The following RNF13 variants were observed in gnomAD, a reference collection of about 807,000 sequenced individuals.
The protein encoded by RNF13 is ring finger protein 13.
Under a neutral mutation model 37.7 loss-of-function variants are expected in RNF13, and 19 were observed. The observed-to-expected ratio is 0.50, with a 90% CI of 0.35 to 0.74. The LOEUF (loss-of-function observed/expected upper bound fraction) is 0.74, where lower values mean the gene tolerates loss of function less well. Ranked by LOEUF, RNF13 falls within the 30% of genes least tolerant of loss-of-function variation. RNF13 has a pLI of 0.01. For synonymous variants in RNF13, 144 were observed against 157.8 expected (o/e 0.91, Z 0.65); for missense variants, 375 against 453.0 (o/e 0.83, Z 1.56).
In RNF13 at chr3:149,819,124, C is replaced by T. The variant is rs963627508; in HGVS notation, c.-17+5771C>T. On this transcript the variant is annotated intron_variant, in intron 1 of 9. Coordinates refer to ENST00000392894, the MANE Select transcript of RNF13 (RefSeq NM_183381.3). ...TGTAAATGAAGTAGTTGGAATTGTCCAGTTAAAATCTGTTTTTACGACTTC... is the reference window on the plus strand; with the variant it reads ...TGTAAATGAAGTAGTTGGAATTGTCTAGTTAAAATCTGTTTTTACGACTTC... Among the ~76,000 whole-genome samples the T allele has an allele frequency of 3.3e-5, 5 of 152,238 alleles. No homozygotes were observed. The South Asian group carries it at 1.0e-3, about 32-fold the overall frequency.
chr3:149,826,350 T>C (rs1166825841), intron 1 of RNF13, among the ~76,000 whole-genome samples: 2 of 152,204 alleles, frequency 1.3e-5, no homozygotes, highest in African/African-American at 4.8e-5. Context: ...GTCTTTTGAG[T>C]ATAATTAAAG....
intron 3 of RNF13, among the ~76,000 whole-genome samples, chr3:149,854,768 T>C (rs1423671912): frequency 6.6e-6 from 1 of 152,230 alleles, no homozygotes; most frequent in African/African-American, 2.4e-5. Context: ...ATCGAAGAGA[T>C]ACCCTTTTTC....
At chr3:149,812,722 G>C (rs1012794816), upstream of RNF13, 7 of 152,620 alleles carry the variant, frequency 4.6e-5, no homozygotes, top group African/African-American at 1.4e-4. Flanking sequence ...TTAGTAGGTC[G>C]GGTGAGTGTA....
intron 8 of RNF13, chr3:149,939,556 AT>A: frequency 1.7e-6 from 1 of 593,638 alleles, no homozygotes. Context: ...CTGTACAGAC[AT>A]TTTCAAAGTT....
chr3:149,912,519 C>T (rs1261573233), intron 7 of RNF13, among the ~76,000 whole-genome samples: 1 of 151,848 alleles, frequency 6.6e-6, no homozygotes, highest in East Asian at 1.9e-4. Context: ...AGGGAAAGTA[C>T]ACTGATATCT....
In RNF13 at chr3:149,952,703, G is replaced by A. The variant is rs916025383; in HGVS notation, c.701-7353G>A. ...CAACCTCTGCCTCCCGGGTTCAAGC[G>A]ATTCTCCTGCCTCAGCCTCCTGAGT... On this transcript the variant is annotated intron_variant, in intron 8 of 9. Coordinates refer to ENST00000392894, the MANE Select transcript of RNF13 (RefSeq NM_183381.3). Among the ~76,000 whole-genome samples the A allele has an allele frequency of 1.3e-4, 20 of 152,128 alleles. No homozygotes were observed. The East Asian group carries it at 3.7e-3, about 28-fold the overall frequency.
chr3:149,895,973 A>G (rs1383996693), intron 5 of RNF13, among the ~76,000 whole-genome samples: 2 of 152,102 alleles, frequency 1.3e-5, no homozygotes, highest in Non-Finnish European at 2.9e-5. Context: ...TCCTTATACC[A>G]GTTGGTTATT....
At chr3:149,870,658 T>A (rs1050636395) in intron 3 of RNF13, among the ~76,000 whole-genome samples, 6 of 151,932 alleles carry the variant, frequency 3.9e-5, no homozygotes, top group Admixed American at 1.3e-4. Flanking sequence ...AAGCAAATAT[T>A]CATCATTGGA....
chr3:149,880,509 A>AT (rs1163274556), intron 4 of RNF13, among the ~76,000 whole-genome samples: 1 of 152,142 alleles, frequency 6.6e-6, no homozygotes, highest in African/African-American at 2.4e-5. Context: ...CAAAGTAAAG[A>AT]TTTTTTTAAA....
chr3:149,839,585 A>C (rs1721959501), intron 1 of RNF13, among the ~76,000 whole-genome samples: 1 of 88,588 alleles, frequency 1.1e-5, no homozygotes, highest in Non-Finnish European at 2.7e-5. Context: ...TTATAAAACC[A>C]TCAGTTCACA....
chr3:149,890,339 C>T (rs1714565970), intron 4 of RNF13, among the ~76,000 whole-genome samples: 1 of 152,154 alleles, frequency 6.6e-6, no homozygotes, highest in Non-Finnish European at 1.5e-5. Context: ...ACTGAGGAGA[C>T]CACAAGTCTA....
chr3:149,918,975 A>G (rs1022921554), intron 7 of RNF13, among the ~76,000 whole-genome samples: 1 of 152,164 alleles, frequency 6.6e-6, no homozygotes, highest in Non-Finnish European at 1.5e-5. Context: ...TCCATTTAAC[A>G]TATATTGTGA....
At chr3:149,838,971 A>G (rs1220850293) in intron 1 of RNF13, among the ~76,000 whole-genome samples, 2 of 84,156 alleles carry the variant, frequency 2.4e-5, no homozygotes, top group African/African-American at 4.7e-5. Flanking sequence ...AGAGTACTCA[A>G]ATCACCTCTT....
At chr3:149,916,063 GC>G (rs1717474419) in intron 7 of RNF13, among the ~76,000 whole-genome samples, 1 of 151,916 alleles carries the variant, frequency 6.6e-6, no homozygotes, top group South Asian at 2.1e-4. Flanking sequence ...ATAAAACTAA[GC>G]TTTCTCTTAC....
intron 8 of RNF13, among the ~76,000 whole-genome samples, chr3:149,926,742 G>A (rs1033646290): frequency 1.3e-5 from 2 of 152,136 alleles, no homozygotes; most frequent in Admixed American, 6.5e-5. Context: ...CACCTCTGAT[G>A]TAAATTAAGG....
In RNF13 at chr3:149,961,628, G is replaced by A; in HGVS notation, c.*524G>A. 3.7e-6 allele frequency: 1 copy of A among 273,172 alleles called. No individual in the cohort carries two copies. Among genetic ancestry groups the A allele is most frequent in the East Asian group, 1.0e-4 (1 of 9,794 alleles). 16.9% of individuals were successfully genotyped at this position (273,172 alleles called of 1,614,324 possible). A position where few individuals can be genotyped will look rare whatever the true frequency, so the allele number is the denominator to read the frequency against. On this transcript the variant is annotated 3_prime_UTR_variant, in exon 10 of 10. Transcript: ENST00000392894. ...ACTCAAAGCTGTTTTTTCCCTTTCT[G>A]TTCCAAAGCAGTCTTATCCTGACAG...
intron 4 of RNF13, among the ~76,000 whole-genome samples, chr3:149,881,687 T>C (rs1713429833): frequency 1.3e-5 from 2 of 152,240 alleles, no homozygotes. Flanking sequence ...TTTTTTGGTA[T>C]ACTGTACTTG....
chr3:149,842,665 G>T (rs1722290690), intron 1 of RNF13, among the ~76,000 whole-genome samples: 1 of 152,148 alleles, frequency 6.6e-6, no homozygotes, highest in African/African-American at 2.4e-5. Context: ...ATTTATTGCA[G>T]TGTTTTTCTA....
rs1401484679 is a variant in RNF13 at position 149,960,784 on chromosome 3, A to G, written c.826A>G (p.Lys276Glu). The G allele has an allele frequency of 1.2e-6, 2 of 1,613,944 alleles. No homozygotes were observed. The highest frequency in any genetic ancestry group is 1.7e-6 in the Non-Finnish European group (2 of 1,179,956). Residue 276 changes from lysine to glutamate, a missense_variant, in exon 10 of 10, where the codon AAA becomes GAA. Transcript: ENST00000392894. Reference sequence around the variant, plus strand: ...AGACCCTTGGCTAACTAAAACCAAAAAAACCTGTCCAGTGTGCAAGCAAAA... The same window carrying G: ...AGACCCTTGGCTAACTAAAACCAAAGAAACCTGTCCAGTGTGCAAGCAAAA... ...CVDPWLTKTK[K>E]TCPVCKQKVV...
Sources: gnomAD v4.1 joint callset for allele counts (sites outside exome capture counted in the v4.1 genomes callset) on GRCh38, gnomAD v4.1.1 for gene constraint, MANE v1.5 for transcripts, NCBI Gene and HGNC (gene_info 2026-07-23, HGNC 2026-07-21) for gene names.